The following HOOK3 variants were observed in gnomAD, a reference collection of about 807,000 sequenced individuals.
HOOK3 encodes protein Hook homolog 3.
Under a neutral mutation model 116.3 loss-of-function variants are expected in HOOK3, and 24 were observed. The observed-to-expected ratio is 0.21, with a 90% CI of 0.15 to 0.29. The LOEUF is 0.29. Ranked by LOEUF, HOOK3 falls within the 10% of genes least tolerant of loss-of-function variation. The probability of loss-of-function intolerance (pLI) is 1.00; values close to 1 mark genes in which losing one functional copy is unlikely to be tolerated. For missense variants in HOOK3, 632 were observed against 830.2 expected (o/e 0.76, Z 2.93); for synonymous variants, 275 against 283.0 (o/e 0.97, Z 0.28).
intron 4 of HOOK3, among the ~76,000 whole-genome samples, chr8:42,937,967 C>G (rs2130375396): frequency 6.6e-6 from 1 of 152,274 alleles, no homozygotes; most frequent in East Asian, 1.9e-4. Flanking sequence ...TCTCATTAAT[C>G]TGTCTAATAT....
intron 15 of HOOK3, among the ~76,000 whole-genome samples, chr8:42,989,539 C>T (rs1809114788): frequency 6.6e-6 from 1 of 152,078 alleles, no homozygotes; most frequent in Non-Finnish European, 1.5e-5. Context: ...GCATGCAGTG[C>T]ATAATAATCA....
chr8:42,931,425 CTTTTTTTTTTTTT>C lies in HOOK3; in HGVS notation c.267+1265_267+1277del, dbSNP rs764965780. ...TCACCCCATTATATTCTTCTCTTCT[CTTTTTTTTTTTTT>C]TTTTTTTTTTTGAGACGGAGTCTCG... On this transcript the variant is annotated intron_variant, in intron 4 of 21. Transcript: ENST00000307602. 1.3e-3 allele frequency among the ~76,000 whole-genome samples: 130 copies of C among 100,618 alleles called. 2 individuals are homozygous for C. Among genetic ancestry groups the C allele is most frequent in the African/African-American group, 5.3e-3 (123 of 23,048 alleles). 66.0% of individuals were successfully genotyped at this position (100,618 alleles called of 152,430 possible). A position where few individuals can be genotyped will look rare whatever the true frequency, so the allele number is the denominator to read the frequency against.
chr8:42,928,609 G>A (rs985538971), intron 3 of HOOK3, among the ~76,000 whole-genome samples: 2 of 152,148 alleles, frequency 1.3e-5, no homozygotes, highest in Non-Finnish European at 2.9e-5. Context: ...CACATATACT[G>A]TCTCCAGTGT....
intron 4 of HOOK3, among the ~76,000 whole-genome samples, chr8:42,942,920 A>T (rs1174789184): frequency 6.6e-6 from 1 of 151,488 alleles, no homozygotes; most frequent in Non-Finnish European, 1.5e-5. Flanking sequence ...ATCAAGTGGG[A>T]ATCAAGGTGG....
chr8:42,939,388 G>A (rs1321495274), intron 4 of HOOK3, among the ~76,000 whole-genome samples: 1 of 148,838 alleles, frequency 6.7e-6, no homozygotes, highest in Non-Finnish European at 1.5e-5. Flanking sequence ...GGCTGGCCGG[G>A]CGGGGGGCTG....
intron 5 of HOOK3, 70 bp downstream of exon 5, chr8:42,943,515 A>G (rs1648120): frequency 0.066 from 71,198 of 1,082,212 alleles, 5,025 homozygotes; most frequent in African/African-American, 0.27. Flanking sequence ...TATATTTTAT[A>G]TATAAATCAC....
chr8:42,967,649 A>G (rs1353016407), intron 10 of HOOK3, among the ~76,000 whole-genome samples: 1 of 152,064 alleles, frequency 6.6e-6, no homozygotes, highest in African/African-American at 2.4e-5. Flanking sequence ...TAGATTACAT[A>G]AGGTAAAATT....
In HOOK3 at chr8:43,008,179, C is replaced by T. The variant is rs1011679898; in HGVS notation, c.1738+250C>T. Among the ~76,000 whole-genome samples, 92 of 151,898 alleles carry T rather than the reference C, an allele frequency of 6.1e-4. 1 individual carries two copies. Among genetic ancestry groups the T allele is most frequent in the Non-Finnish European group, 7.4e-4 (50 of 67,932 alleles). The stretch of plus-strand genomic sequence containing the variant: ...GACTACAGGTGCCCGCCACTACGCC[C>T]GGCTAATTTTTTGTATTTTTAGTAG... On this transcript the variant is annotated intron_variant, in intron 18 of 21. Coordinates refer to ENST00000307602, the MANE Select transcript of HOOK3 (RefSeq NM_032410.4).
intron 17 of HOOK3, among the ~76,000 whole-genome samples, chr8:43,002,689 A>C (rs775811997): frequency 5.9e-5 from 9 of 152,172 alleles, no homozygotes; most frequent in Non-Finnish European, 7.3e-5. Flanking sequence ...AGGTCTTTTA[A>C]AAAAGAGACC....
Position 43,021,800 on chromosome 8 carries a change from CG to C in HOOK3, c.*3306del. 6.4e-6 allele frequency: 1 copy of C among 157,124 alleles called. No individual in the cohort carries two copies. The highest frequency in any genetic ancestry group is 1.4e-5 in the Non-Finnish European group (1 of 71,092). 9.7% of individuals were successfully genotyped at this position (157,124 alleles called of 1,614,324 possible). ...TCTCCTGCCTCAGCCTCCTGAGTAG[CG>C]GGGACTACAGGCGCCCGCCACTACG... is the stretch of plus-strand genomic sequence containing the variant. On this transcript the variant is annotated 3_prime_UTR_variant, in exon 22 of 22. Transcript: ENST00000307602.
Position 42,905,336 on chromosome 8 carries a change from G to GGT in HOOK3, c.58-837_58-836insGT, listed in dbSNP as rs1204044294. Among the ~76,000 whole-genome samples, 168 of 129,538 alleles carry GGT rather than the reference G, an allele frequency of 1.3e-3. 2 individuals are homozygous for GGT. The highest frequency in any genetic ancestry group is 2.1e-3 in the Non-Finnish European group (134 of 62,540). 85.0% of individuals were successfully genotyped at this position (129,538 alleles called of 152,430 possible). ...CCTGTTTCTTTTTTTGGGGGGGGGG[G>GGT]TGCCGTGGTGGAGGGGATATAGTTC... On this transcript the variant is annotated intron_variant, in intron 1 of 21. Transcript: ENST00000307602.
At chr8:42,970,164 G>C (rs746215287) in intron 11 of HOOK3, among the ~76,000 whole-genome samples, 1 of 152,156 alleles carries the variant, frequency 6.6e-6, no homozygotes, top group Non-Finnish European at 1.5e-5. Context: ...TAACCAGTCA[G>C]CCTACCACCA....
rs1809983988 is a variant in HOOK3, at chr8:43,029,020, A to G, written c.*10522A>G. 1 of 196,066 alleles carries G rather than the reference A, an allele frequency of 5.1e-6. No individual in the cohort carries two copies. The highest frequency in any genetic ancestry group is 2.3e-5 in the African/African-American group (1 of 43,240). 12.1% of individuals were successfully genotyped at this position (196,066 alleles called of 1,614,324 possible). The stretch of plus-strand genomic sequence containing the variant: ...TAGTATGTGTTCTGTAGCGATTCAT[A>G]TTAGTTAAGGGACGTTTTCAATATG... On this transcript the variant is annotated 3_prime_UTR_variant, in exon 22 of 22. Coordinates refer to ENST00000307602, the MANE Select transcript of HOOK3 (RefSeq NM_032410.4).
At position 43,019,562 on chromosome 8, in the gene HOOK3, A is replaced by G. The variant is rs1381900396; in HGVS notation, c.*1064A>G. The G allele has an allele frequency of 4.9e-6, 1 of 203,276 alleles. No individual in the cohort carries two copies. Among genetic ancestry groups the G allele is most frequent in the Non-Finnish European group, 1.0e-5 (1 of 99,292 alleles). The allele number at this position is 203,276 out of a possible 1,614,324, so 12.6% of individuals were successfully genotyped here. ...GGCAGATCTCTTTACGTTTTTTCTCACATCTATCTGCTAGTCCAGGAATTT... is the reference window on the plus strand; with the variant it reads ...GGCAGATCTCTTTACGTTTTTTCTCGCATCTATCTGCTAGTCCAGGAATTT... On this transcript the variant is annotated 3_prime_UTR_variant, in exon 22 of 22. Coordinates refer to ENST00000307602, the MANE Select transcript of HOOK3 (RefSeq NM_032410.4).
At chr8:42,963,214 T>A (rs572213701) in intron 8 of HOOK3, among the ~76,000 whole-genome samples, 1 of 152,302 alleles carries the variant, frequency 6.6e-6, no homozygotes, top group East Asian at 1.9e-4. Context: ...TATATGAAAT[T>A]CGGGATATTT....
intron 8 of HOOK3, among the ~76,000 whole-genome samples, chr8:42,959,715 T>C (rs1206778551): frequency 1.3e-5 from 1 of 74,728 alleles, no homozygotes; most frequent in East Asian, 3.6e-4. Flanking sequence ...CAAGACTACA[T>C]CTGAAAAAAA....
chr8:42,951,798 G>T (rs1171926105), intron 6 of HOOK3, among the ~76,000 whole-genome samples: 1 of 151,966 alleles, frequency 6.6e-6, no homozygotes, highest in Non-Finnish European at 1.5e-5. Context: ...AAAATTATCT[G>T]GGCATGGTGG....
chr8:43,018,484 G>T lies in HOOK3; in HGVS notation c.2143G>T (p.Ala715Ser). The change falls in exon 22 of 22, where the codon GCC becomes TCC. Residue 715 changes from alanine (A) to serine (S), a missense_variant. By Grantham distance (99) the Ala-to-Ser change is moderately conservative. Transcript: ENST00000307602. ...ATCATACCCAGGCCACGTGCAGCCG[G>T]CCACAGCAAGGTAGAGAAGTTGTGC... ...RRSYPGHVQP[A>S]TAR is the part of the protein sequence containing the mutation. 6.2e-7 allele frequency: 1 copy of T among 1,611,390 alleles called. No homozygotes were observed. Among genetic ancestry groups the T allele is most frequent in the Non-Finnish European group, 8.5e-7 (1 of 1,179,176 alleles).
Position 42,973,417 on chromosome 8 carries a change from G to T in HOOK3, c.1233+18G>T, listed in dbSNP as rs1271996026. On this transcript the variant is annotated intron_variant, in intron 12 of 21. Coordinates refer to ENST00000307602, the MANE Select transcript of HOOK3 (RefSeq NM_032410.4). ...AAAAGGACGTGAGTATATATATTAGGCATTTTGGTTTTGAGCACTGCTAAA... is the reference window on the plus strand; with the variant it reads ...AAAAGGACGTGAGTATATATATTAGTCATTTTGGTTTTGAGCACTGCTAAA... The T allele has an allele frequency of 6.4e-7, 1 of 1,562,306 alleles. No individual in the cohort carries two copies. The highest frequency in any genetic ancestry group is 8.7e-7 in the Non-Finnish European group (1 of 1,150,578).
Sources: allele counts gnomAD v4.1 joint callset (sites outside exome capture counted in the v4.1 genomes callset), GRCh38; gene constraint gnomAD v4.1.1; transcripts MANE v1.5; gene names NCBI Gene and HGNC (gene_info 2026-07-23, HGNC 2026-07-21).